Variants in TTC28 observed in about 807,000 individuals in gnomAD.
The protein encoded by TTC28 is tetratricopeptide repeat protein 28.
Under a neutral mutation model 198.0 loss-of-function variants are expected in TTC28, and 61 were observed. That is an observed-to-expected ratio of 0.31 (90% CI 0.25 to 0.38). The LOEUF is 0.38. Among genes scored for constraint, TTC28 ranks in the 10% least tolerant of loss-of-function variants. The probability of loss-of-function intolerance (pLI) is 1.00; values close to 1 mark genes in which losing one functional copy is unlikely to be tolerated. For synonymous variants in TTC28, 1,171 were observed against 1,297.8 expected, an observed-to-expected ratio of 0.90 and a Z score of 2.10; for missense variants, 2,678 against 3,164.0, an observed-to-expected ratio of 0.85 and a Z score of 3.69.
At chr22:28,069,160 T>C (rs1356840963) in intron 12 of TTC28, among the ~76,000 whole-genome samples, 1 of 152,180 alleles carries the variant, frequency 6.6e-6, no homozygotes, top group Non-Finnish European at 1.5e-5. Context: ...CTTCCTCAAA[T>C]AAAATCATTT....
intron 2 of TTC28, among the ~76,000 whole-genome samples, chr22:28,481,125 C>G (rs1244230773): frequency 1.3e-5 from 2 of 152,106 alleles, no homozygotes; most frequent in Non-Finnish European, 2.9e-5. Flanking sequence ...TATTTAAAGT[C>G]AACTCAACAT....
At chr22:28,181,422 C>G (rs913334016) in intron 5 of TTC28, among the ~76,000 whole-genome samples, 1 of 152,194 alleles carries the variant, frequency 6.6e-6, no homozygotes, top group Non-Finnish European at 1.5e-5. Context: ...GCAAGAAACA[C>G]TACCTCTCCT....
At chr22:28,273,684 T>A (rs1201238178) in intron 5 of TTC28, among the ~76,000 whole-genome samples, 2 of 152,104 alleles carry the variant, frequency 1.3e-5, no homozygotes, top group African/African-American at 4.8e-5. Flanking sequence ...GAAGCAGTAT[T>A]TGAAGAGATA....
intron 12 of TTC28, among the ~76,000 whole-genome samples, chr22:28,087,222 A>T (rs1464268481): frequency 6.6e-6 from 1 of 152,212 alleles, no homozygotes; most frequent in African/African-American, 2.4e-5. Context: ...AGAGAATTTT[A>T]GACCAATATC....
intron 8 of TTC28, 43 bp from the exon 9 acceptor site, chr22:28,101,323 T>C: frequency 6.8e-7 from 1 of 1,461,242 alleles, no homozygotes. Flanking sequence ...AGAAGATGGA[T>C]AATTCCACTA....
At chr22:28,490,611 G>C (rs2048364428) in intron 2 of TTC28, among the ~76,000 whole-genome samples, 1 of 152,120 alleles carries the variant, frequency 6.6e-6, no homozygotes, top group African/African-American at 2.4e-5. Flanking sequence ...CAAATAGTAA[G>C]ATAAACAAAT....
At chr22:28,603,581 G>A (rs2050678364) in intron 2 of TTC28, among the ~76,000 whole-genome samples, 1 of 152,004 alleles carries the variant, frequency 6.6e-6, no homozygotes, top group Admixed American at 6.6e-5. Context: ...TTTTTGTAGA[G>A]ATGGGGTCTG....
chr22:28,032,370 G>C (rs931172879), intron 12 of TTC28, among the ~76,000 whole-genome samples: 1 of 148,920 alleles, frequency 6.7e-6, no homozygotes, highest in Non-Finnish European at 1.5e-5. Flanking sequence ...AAAACATCTA[G>C]TAATTATCTC....
At chr22:28,625,997 T>A (rs2051071797) in intron 2 of TTC28, among the ~76,000 whole-genome samples, 1 of 152,120 alleles carries the variant, frequency 6.6e-6, no homozygotes, top group South Asian at 2.1e-4. Context: ...TGGAAAAAAA[T>A]TAACTTTGAC....
At chr22:28,491,287 C>T (rs934871141) in intron 2 of TTC28, among the ~76,000 whole-genome samples, 2 of 152,168 alleles carry the variant, frequency 1.3e-5, no homozygotes, top group Non-Finnish European at 2.9e-5. Flanking sequence ...AGAGCTTCTG[C>T]ACAGCAAAAG....
chr22:28,176,883 C>A (rs1380595137), intron 5 of TTC28, among the ~76,000 whole-genome samples: 2 of 152,234 alleles, frequency 1.3e-5, no homozygotes, highest in Middle Eastern at 3.4e-3. Context: ...AGACCTTACA[C>A]ATTTAACAAA....
At chr22:28,022,115 C>G (rs1369922896) in intron 13 of TTC28, among the ~76,000 whole-genome samples, 2 of 152,242 alleles carry the variant, frequency 1.3e-5, no homozygotes, top group African/African-American at 4.8e-5. Context: ...AGCAGAAAGC[C>G]TGTGGCCTGA....
At chr22:28,089,540 G>T (rs1162496297) in intron 12 of TTC28, among the ~76,000 whole-genome samples, 2 of 151,364 alleles carry the variant, frequency 1.3e-5, no homozygotes, top group Non-Finnish European at 2.9e-5. Context: ...GGGAGGGATA[G>T]CATTAGGAGA....
At chr22:28,481,834 C>T (rs1005932606) in intron 2 of TTC28, among the ~76,000 whole-genome samples, 8 of 152,096 alleles carry the variant, frequency 5.3e-5, no homozygotes, top group African/African-American at 1.7e-4. Context: ...GCTTCCACAC[C>T]ACCCCCAAGC....
chr22:28,087,862 C>A (rs946796396), intron 12 of TTC28, among the ~76,000 whole-genome samples: 1 of 152,072 alleles, frequency 6.6e-6, no homozygotes. Context: ...TTCTTATACA[C>A]CAATAACAGA....
chr22:28,294,160 G>A (rs1601591605), intron 5 of TTC28, among the ~76,000 whole-genome samples: 1 of 152,172 alleles, frequency 6.6e-6, no homozygotes, highest in African/African-American at 2.4e-5. Flanking sequence ...TTGTGCTACT[G>A]CAGTAGCAGC....
intron 2 of TTC28, among the ~76,000 whole-genome samples, chr22:28,565,659 T>G (rs1197178411): frequency 2.6e-5 from 4 of 152,212 alleles, no homozygotes; most frequent in Admixed American, 2.6e-4. Context: ...TGGAAAAGTA[T>G]ATTTACTATT....
intron 13 of TTC28, among the ~76,000 whole-genome samples, chr22:28,024,771 G>A (rs577812484): frequency 6.6e-6 from 1 of 152,334 alleles, no homozygotes; most frequent in East Asian, 1.9e-4. Context: ...AGGGGCTCCT[G>A]CCCAAAGCCT....
At chr22:28,587,470 C>G (rs939189879) in intron 2 of TTC28, among the ~76,000 whole-genome samples, 2 of 152,088 alleles carry the variant, frequency 1.3e-5, no homozygotes, top group African/African-American at 2.4e-5. Context: ...ATCTTGAATT[C>G]TGAACTCTAA....
Sources: gnomAD v4.1 joint callset for allele counts (sites outside exome capture counted in the v4.1 genomes callset) on GRCh38, gnomAD v4.1.1 for gene constraint, MANE v1.5 for transcripts, NCBI Gene and HGNC (gene_info 2026-07-23, HGNC 2026-07-21) for gene names.